The following SPMAP1 variants were observed in gnomAD, a reference collection of about 807,000 sequenced individuals.
SPMAP1 encodes the protein sperm microtubule associated protein 1.
At chr17:38,835,404 C>T in the SPMAP1 span, 1 of 1,587,056 alleles carries the variant, frequency 6.3e-7, no homozygotes, top group Non-Finnish European at 8.6e-7. Flanking sequence ...TTGGCTTCCC[C>T]ATTCCCCTGG....
At chr17:38,837,201 A>T in the SPMAP1 span, 1 of 1,614,064 alleles carries the variant, frequency 6.2e-7, no homozygotes, top group Admixed American at 1.7e-5. Context: ...ATGTGGATGT[A>T]GTCTACTATC....
the SPMAP1 span, chr17:38,835,427 A>G: frequency 3.4e-6 from 5 of 1,471,664 alleles, no homozygotes; most frequent in Admixed American, 7.1e-5. Flanking sequence ...GTGGTATGGG[A>G]TGCCAACCAG....
chr17:38,836,585 C>CTTT, the SPMAP1 span, among the ~76,000 whole-genome samples: 23 of 58,366 alleles, frequency 3.9e-4, no homozygotes, highest in African/African-American at 7.8e-4. Flanking sequence ...TTCTTTCTTT[C>CTTT]TTTTTTTTTT....
chr17:38,837,677 T>TA, the SPMAP1 span, among the ~76,000 whole-genome samples: 2,694 of 111,354 alleles, frequency 0.024, 36 homozygotes, highest in Non-Finnish European at 0.036. Context: ...AAACTCCATC[T>TA]AAAAAAAAAA....
the SPMAP1 span, among the ~76,000 whole-genome samples, chr17:38,840,651 A>AAAAAAAAAAAAAAAC: frequency 7.3e-6 from 1 of 137,778 alleles, no homozygotes; most frequent in African/African-American, 2.6e-5. Flanking sequence ...AAAAAAAAAA[A>AAAAAAAAAAAAAAAC]AAAAATTAGC....
chr17:38,839,247 T>A, the SPMAP1 span, among the ~76,000 whole-genome samples: 2 of 151,002 alleles, frequency 1.3e-5, no homozygotes, highest in Non-Finnish European at 3.0e-5. Flanking sequence ...TGGTGGCTCA[T>A]GCCTATAGTC....
chr17:38,839,085 CA>C, the SPMAP1 span, among the ~76,000 whole-genome samples: 5,072 of 63,814 alleles, frequency 0.079, 161 homozygotes, highest in African/African-American at 0.27. Context: ...GACTCTGTCT[CA>C]AAAAAAAAAA....
At chr17:38,836,135 C>G in the SPMAP1 span, among the ~76,000 whole-genome samples, 1 of 151,888 alleles carries the variant, frequency 6.6e-6, no homozygotes, top group Non-Finnish European at 1.5e-5. Context: ...AGGCTGGTCT[C>G]GAACTCCTGA....
chr17:38,840,733 G>A, the SPMAP1 span, among the ~76,000 whole-genome samples: 1 of 151,946 alleles, frequency 6.6e-6, no homozygotes, highest in African/African-American at 2.4e-5. Context: ...TTGACCCTGG[G>A]AGGTGGAAGC....
At chr17:38,837,036 G>A in the SPMAP1 span, 1 of 786,702 alleles carries the variant, frequency 1.3e-6, no homozygotes, top group South Asian at 1.4e-5. Flanking sequence ...GCTCATGTAT[G>A]TGAAGAAAAG....
At chr17:38,838,032 G>A in the SPMAP1 span, among the ~76,000 whole-genome samples, 114 of 152,034 alleles carry the variant, frequency 7.5e-4, no homozygotes, top group Middle Eastern at 3.4e-3. Flanking sequence ...TTACAGGCAC[G>A]CGCCACCATG....
At chr17:38,835,125 A>G in the SPMAP1 span, 1 of 1,536,248 alleles carries the variant, frequency 6.5e-7, no homozygotes, top group Non-Finnish European at 9.0e-7. Context: ...AAATAACACT[A>G]AGAGTTCATC....
the SPMAP1 span, chr17:38,841,095 G>T: frequency 2.1e-5 from 18 of 863,426 alleles, no homozygotes; most frequent in Non-Finnish European, 3.1e-5. Flanking sequence ...AAACCGAGGA[G>T]GTGAAAGTGG....
the SPMAP1 span, chr17:38,841,381 G>C: frequency 1.2e-6 from 2 of 1,613,974 alleles, no homozygotes; most frequent in Non-Finnish European, 1.7e-6. Flanking sequence ...ACTCGCTCAG[G>C]TACGCCATCC....
the SPMAP1 span, chr17:38,837,327 G>A: frequency 2.3e-6 from 2 of 865,430 alleles, no homozygotes; most frequent in Non-Finnish European, 4.0e-6. Context: ...GGGGTTTGCT[G>A]TGGGGATAGG....
chr17:38,835,162 C>T, the SPMAP1 span: 3 of 1,607,720 alleles, frequency 1.9e-6, no homozygotes, highest in Non-Finnish European at 2.5e-6. Flanking sequence ...AAATTCAGGT[C>T]GATGGCTATG....
At chr17:38,839,488 G>C in the SPMAP1 span, among the ~76,000 whole-genome samples, 4 of 135,402 alleles carry the variant, frequency 3.0e-5, no homozygotes, top group South Asian at 9.6e-4. Flanking sequence ...AAAAAGAAAA[G>C]AAAAGAAAAG....
chr17:38,837,745 T>C, the SPMAP1 span, among the ~76,000 whole-genome samples: 12 of 151,784 alleles, frequency 7.9e-5, no homozygotes, highest in Non-Finnish European at 1.5e-4. Context: ...GAGGGGCAGT[T>C]GAGCTTGGCA....
At chr17:38,837,355 A>G in the SPMAP1 span, 7 of 756,574 alleles carry the variant, frequency 9.3e-6, no homozygotes, top group African/African-American at 1.2e-4. Context: ...TCAGAGCCTT[A>G]GGTAACTGGT....
Sources: gnomAD v4.1 joint callset for allele counts (sites outside exome capture counted in the v4.1 genomes callset) on GRCh38, gnomAD v4.1.1 for gene constraint, MANE v1.5 for transcripts, NCBI Gene and HGNC (gene_info 2026-07-23, HGNC 2026-07-21) for gene names.